PKD1L1: variants seen among roughly 807,000 people sequenced by gnomAD.
The protein encoded by PKD1L1 is polycystin 1 like 1, transient receptor potential channel interacting.
PKD1L1 carries 236 observed loss-of-function variants against 323.4 expected under a neutral mutation model. That is an observed-to-expected ratio of 0.73 (90% CI 0.66 to 0.81). PKD1L1 has a LOEUF of 0.81. Among genes scored for constraint, PKD1L1 ranks in the 40% least tolerant of loss-of-function variants. The pLI is 0.00. For missense variants in PKD1L1, 3,320 were observed against 3,508.0 expected, an observed-to-expected ratio of 0.95 and a Z score of 1.35; for synonymous variants, 1,344 against 1,335.0, an observed-to-expected ratio of 1.01 and a Z score of -0.15.
Position 47,888,037 on chromosome 7 carries a change from G to T in PKD1L1, c.2789C>A (p.Ser930Tyr). Residue 930 changes from serine (S) to tyrosine (Y), a missense_variant, in exon 17 of 57, where the codon TCC becomes TAC. Physicochemically the swap from Ser to Tyr is moderately radical, Grantham distance 144. Transcript: ENST00000289672. Reference sequence around the variant, plus strand: ...TGCATTGACTAAAAAGAGATCCCAGGAATAAGACAGATTCGGTATTTCACT... The same window carrying T: ...TGCATTGACTAAAAAGAGATCCCAGTAATAAGACAGATTCGGTATTTCACT... ...DCSEIPNLSY[S>Y]WDLFLVNATE... is the part of the protein sequence containing the mutation. 1 of 1,613,872 alleles carries T rather than the reference G, an allele frequency of 6.2e-7. No individual in the cohort carries two copies. Among genetic ancestry groups the T allele is most frequent in the Non-Finnish European group, 8.5e-7 (1 of 1,179,822 alleles).
chr7:47,838,007 A>T (rs1372539361), intron 36 of PKD1L1, among the ~76,000 whole-genome samples: 1 of 152,224 alleles, frequency 6.6e-6, no homozygotes, highest in East Asian at 1.9e-4. Context: ...TCTCACAAAA[A>T]GCTCTCAAGC....
In PKD1L1 at chr7:47,915,434, G is replaced by A. The variant is rs1164068174; in HGVS notation, c.1226C>T (p.Thr409Ile). Residue 409 changes from threonine (T) to isoleucine (I), a missense_variant and splice_region_variant, in exon 8 of 57, where the codon ACC becomes ATC. By Grantham distance (89) the Thr-to-Ile change is moderately conservative. Coordinates refer to ENST00000289672, the MANE Select transcript of PKD1L1 (RefSeq NM_138295.5). Reference sequence around the variant, plus strand: ...TCTTTTTGCTTTTAAAAACATACTGGTGACAAAGGCAGAAATAAGCTCATA... The same window carrying A: ...TCTTTTTGCTTTTAAAAACATACTGATGACAAAGGCAGAAATAAGCTCATA... ...LGYELISAFVTKGVYMLKAVI... is the reference protein window; with the variant it reads ...LGYELISAFVIKGVYMLKAVI... The A allele has an allele frequency of 1.1e-6, 1 of 891,856 alleles. No homozygotes were observed. Among genetic ancestry groups the A allele is most frequent in the East Asian group, 2.4e-5 (1 of 41,676 alleles). 55.2% of individuals were successfully genotyped at this position (891,856 alleles called of 1,614,324 possible).
intron 31 of PKD1L1, among the ~76,000 whole-genome samples, chr7:47,850,608 GGC>G (rs2128740457): frequency 7.8e-6 from 1 of 128,212 alleles, no homozygotes; most frequent in East Asian, 2.1e-4. Flanking sequence ...CTCCAGCCTG[GGC>G]AACAAGAGCA....
At position 47,839,434 on chromosome 7, in the gene PKD1L1, G is replaced by A. The variant is rs767541319; in HGVS notation, c.5769+12C>T. 11 of 1,597,210 alleles carry A rather than the reference G, an allele frequency of 6.9e-6. No individual in the cohort carries two copies. Among genetic ancestry groups the A allele is most frequent in the Non-Finnish European group, 9.4e-6 (11 of 1,170,322 alleles). On this transcript the variant is annotated intron_variant, in intron 36 of 56. Transcript: ENST00000289672. This position sits in a 1 kb window ranked among gnomAD's most constrained non-coding sequence, Gnocchi z 4.3. Reference sequence around the variant, plus strand: ...CAGGTGCGCCACGAGAGGCCACCTGGAGGGAGCCTACCTTCCGGAAGCCGA... The same window carrying A: ...CAGGTGCGCCACGAGAGGCCACCTGAAGGGAGCCTACCTTCCGGAAGCCGA...
chr7:47,834,373 CAGGAAT>C lies in PKD1L1; in HGVS notation c.6134_6139del (p.Asn2045_Trp2047delinsArg). The C allele has an allele frequency of 6.2e-7, 1 of 1,613,930 alleles. No individual in the cohort carries two copies. The highest frequency in any genetic ancestry group is 8.5e-7 in the Non-Finnish European group (1 of 1,179,832). ...CTCCTGTGCGTCTGGTATCCTTCCC[CAGGAAT>C]TAGGACCTGATTCAAAAAAATAAAA... is the stretch of plus-strand genomic sequence containing the variant. On this transcript the variant is annotated inframe_deletion, in exon 40 of 57. Transcript: ENST00000289672.
chr7:47,833,246 C>A lies in PKD1L1; in HGVS notation c.6181G>T (p.Ala2061Ser), dbSNP rs551464673. 3 of 1,612,288 alleles carry A rather than the reference C, an allele frequency of 1.9e-6. No individual in the cohort carries two copies. The highest frequency in any genetic ancestry group is 1.7e-5 in the Admixed American group (1 of 59,866). Residue 2061 changes from alanine (A) to serine (S), a missense_variant, in exon 41 of 57, where the codon GCA becomes TCA. Physicochemically the swap from Ala to Ser is moderately conservative, Grantham distance 99. Transcript: ENST00000289672. ...PDAQEPRKQP[A>S]SAILSGSGRA... ...CCACTCCCAGAGAGAATGGCTGATGCAGGTTGCTAGAATGACAAGGTCATG... is the reference window on the plus strand; with the variant it reads ...CCACTCCCAGAGAGAATGGCTGATGAAGGTTGCTAGAATGACAAGGTCATG...
intron 22 of PKD1L1, 76 bp downstream of exon 22, chr7:47,877,413 A>C: frequency 6.4e-7 from 1 of 1,566,468 alleles, no homozygotes; most frequent in Non-Finnish European, 8.7e-7. Context: ...CCATTCCTAC[A>C]GCACCCGTGA....
intron 2 of PKD1L1, among the ~76,000 whole-genome samples, chr7:47,942,376 G>T (rs1196237739): frequency 4.6e-5 from 7 of 152,116 alleles, no homozygotes; most frequent in African/African-American, 1.4e-4. Flanking sequence ...CATAAGAATT[G>T]CAAAAGAATT....
In PKD1L1 at chr7:47,899,943, G is replaced by A. The variant is rs552392688; in HGVS notation, c.2065-1749C>T. On this transcript the variant is annotated intron_variant, in intron 13 of 56. Coordinates refer to ENST00000289672, the MANE Select transcript of PKD1L1 (RefSeq NM_138295.5). ...TGCACTCCCTCCTAGGCAACAGAGCGAGACTCCATCCCAAAAAAAAAAAAA... is the reference window on the plus strand; with the variant it reads ...TGCACTCCCTCCTAGGCAACAGAGCAAGACTCCATCCCAAAAAAAAAAAAA... Among the ~76,000 whole-genome samples, 21 of 63,824 alleles carry A rather than the reference G, an allele frequency of 3.3e-4. No homozygotes were observed. The East Asian group carries it at 9.9e-3, about 30-fold the overall frequency. The allele number at this position is 63,824 out of a possible 152,430, so 41.9% of individuals were successfully genotyped here.
chr7:47,939,546 C>A (rs573719461), intron 3 of PKD1L1, among the ~76,000 whole-genome samples: 1 of 152,188 alleles, frequency 6.6e-6, no homozygotes, highest in Non-Finnish European at 1.5e-5. Context: ...TCCTCTCACG[C>A]TTCTCCTCCA....
At chr7:47,847,270 C>G (rs1462338517) in intron 31 of PKD1L1, among the ~76,000 whole-genome samples, 199 bp from the exon 32 acceptor site, 1 of 152,170 alleles carries the variant, frequency 6.6e-6, no homozygotes, top group Non-Finnish European at 1.5e-5. Context: ...AGTCAAAGCT[C>G]CTGGATGCAG....
chr7:47,819,845 A>C (rs1785104025), intron 46 of PKD1L1: 1 of 227,774 alleles, frequency 4.4e-6, no homozygotes, highest in African/African-American at 2.4e-5. Context: ...TGATAAGATT[A>C]AATTGACTTT....
intron 9 of PKD1L1, among the ~76,000 whole-genome samples, chr7:47,907,755 A>G (rs574368128): frequency 3.9e-5 from 6 of 152,234 alleles, no homozygotes; most frequent in African/African-American, 1.4e-4. Context: ...TAAAGTTCCT[A>G]TCTCCTAAAA....
At chr7:47,947,446 A>G (rs1454996315) in intron 1 of PKD1L1, among the ~76,000 whole-genome samples, 4 of 152,242 alleles carry the variant, frequency 2.6e-5, no homozygotes, top group Non-Finnish European at 5.9e-5. Context: ...ATCTGCAGGC[A>G]CAGGCTCCCA....
intron 56 of PKD1L1, among the ~76,000 whole-genome samples, chr7:47,786,271 G>C (rs1354876718): frequency 6.6e-6 from 1 of 152,204 alleles, no homozygotes; most frequent in Non-Finnish European, 1.5e-5. Flanking sequence ...GAAAAGCTAA[G>C]TATTCTAAAT....
At chr7:47,857,539 T>C (rs1215729664) in intron 28 of PKD1L1, 66 bp downstream of exon 28, 2 of 1,408,826 alleles carry the variant, frequency 1.4e-6, no homozygotes, top group Non-Finnish European at 2.0e-6. Context: ...CTTTTTGTCA[T>C]TTAAGCCCAA....
At chr7:47,845,525 T>C (rs1785647537) in intron 32 of PKD1L1, among the ~76,000 whole-genome samples, 2 of 152,238 alleles carry the variant, frequency 1.3e-5, no homozygotes, top group African/African-American at 4.8e-5. Flanking sequence ...TTTTTAAAAA[T>C]AAAGTCTATC....
intron 56 of PKD1L1, among the ~76,000 whole-genome samples, chr7:47,777,799 C>T (rs187587909): frequency 1.3e-5 from 2 of 152,306 alleles, no homozygotes; most frequent in Admixed American, 1.3e-4. Flanking sequence ...CTGTCATCTT[C>T]AGCACAAGGC....
intron 15 of PKD1L1, among the ~76,000 whole-genome samples, chr7:47,893,087 A>G (rs986359588): frequency 6.6e-6 from 1 of 151,874 alleles, no homozygotes; most frequent in Non-Finnish European, 1.5e-5. Flanking sequence ...AAAAATAGCC[A>G]GGCATGGTGG....
Sources: allele counts gnomAD v4.1 joint callset (sites outside exome capture counted in the v4.1 genomes callset), GRCh38; gene constraint gnomAD v4.1.1; non-coding constraint Gnocchi (gnomAD v3.1); transcripts MANE v1.5; gene names NCBI Gene and HGNC (gene_info 2026-07-23, HGNC 2026-07-21).